Variants in RNF17 observed in about 807,000 individuals in gnomAD.
RNF17 encodes the protein spermatogenesis associated 23.
Under a neutral mutation model 200.5 loss-of-function variants are expected in RNF17, and 31 were observed. That is an observed-to-expected ratio of 0.15 (90% CI 0.12 to 0.21). RNF17 has a LOEUF of 0.21. Ranked by LOEUF, RNF17 falls within the 10% of genes least tolerant of loss-of-function variation. The pLI is 1.00. For synonymous variants in RNF17, 606 were observed against 637.8 expected (o/e 0.95, Z 0.75); for missense variants, 1,628 against 1,905.1 (o/e 0.85, Z 2.71).
At chr13:24,762,697 G>T (rs1348974140), upstream of RNF17, among the ~76,000 whole-genome samples, 1 of 152,174 alleles carries the variant, frequency 6.6e-6, no homozygotes, top group Admixed American at 6.5e-5. Flanking sequence ...AGAGAGAAAA[G>T]AAAATGAGGA....
At chr13:24,834,970 G>T (rs985883005) in intron 18 of RNF17, among the ~76,000 whole-genome samples, 2 of 152,144 alleles carry the variant, frequency 1.3e-5, no homozygotes, top group African/African-American at 4.8e-5. Flanking sequence ...ACACAGACTT[G>T]GGGCTGATGG....
the RNF17 span, among the ~76,000 whole-genome samples, chr13:24,758,982 A>C: frequency 6.8e-6 from 1 of 148,040 alleles, no homozygotes; most frequent in African/African-American, 2.5e-5. Context: ...CGGGAGGCTG[A>C]GCCAGGGGAA....
At chr13:24,843,481 G>A (rs992523862) in intron 19 of RNF17, among the ~76,000 whole-genome samples, 8 of 152,010 alleles carry the variant, frequency 5.3e-5, no homozygotes, top group African/African-American at 1.9e-4. Context: ...TCACATCACT[G>A]CACTTCAGCC....
chr13:24,875,361 A>T (rs1482235366), intron 33 of RNF17, among the ~76,000 whole-genome samples: 1 of 152,302 alleles, frequency 6.6e-6, no homozygotes, highest in African/African-American at 2.4e-5. Flanking sequence ...TTATGAAGGG[A>T]TAAGATGATG....
rs746287494 is a variant in RNF17, at chr13:24,764,241, C to A, written c.38C>A (p.Ser13Tyr). Residue 13 changes from serine to tyrosine, a missense_variant, in exon 1 of 36, where the codon TCT (serine) becomes TAT (tyrosine). Transcript: ENST00000255324. ...GCTTCGAAGACTGGGCCTTCTAGGT[C>A]TTCCTACCAGCGAATGGGGAGGAAG... is the stretch of plus-strand genomic sequence containing the variant. ...AEASKTGPSR[S>Y]SYQRMGRKSQ... 1 of 1,608,626 alleles carries A rather than the reference C, an allele frequency of 6.2e-7. No individual in the cohort carries two copies. Among genetic ancestry groups the A allele is most frequent in the South Asian group, 1.1e-5 (1 of 90,692 alleles).
chr13:24,778,189 G>T (rs1344431147), intron 3 of RNF17, 106 bp from the exon 4 acceptor site: 2 of 683,794 alleles, frequency 2.9e-6, no homozygotes, highest in African/African-American at 1.8e-5. Flanking sequence ...TGGAGCCTGG[G>T]AAGTCGAGGC....
the RNF17 span, among the ~76,000 whole-genome samples, chr13:24,750,344 G>A: frequency 6.6e-6 from 1 of 152,074 alleles, no homozygotes; most frequent in Admixed American, 6.5e-5. Context: ...GAATTTATCT[G>A]TTTTAACATA....
At chr13:24,799,274 C>CTA (rs1884965506) in intron 11 of RNF17, 121 bp from the exon 12 acceptor site, 2 of 731,852 alleles carry the variant, frequency 2.7e-6, no homozygotes, top group African/African-American at 3.5e-5. Flanking sequence ...GAACACAGTG[C>CTA]TATATCATCA....
chr13:24,829,589 T>G (rs924641126), intron 16 of RNF17, among the ~76,000 whole-genome samples: 12 of 152,188 alleles, frequency 7.9e-5, no homozygotes, highest in Non-Finnish European at 1.5e-4. Flanking sequence ...ATGTTTGAAG[T>G]GTCATCTTGA....
At chr13:24,864,830 G>T (rs760107693) in intron 28 of RNF17, 43 bp from the exon 29 acceptor site, 2 of 1,377,708 alleles carry the variant, frequency 1.5e-6, no homozygotes, top group African/African-American at 2.9e-5. Flanking sequence ...ATGTCATCAA[G>T]TGGAGTTTAT....
At chr13:24,884,597 G>A (rs900442547), downstream of RNF17, 12 of 840,396 alleles carry the variant, frequency 1.4e-5, no homozygotes, top group African/African-American at 1.7e-5. Flanking sequence ...CCTTTATTTC[G>A]TGAGGAGTAG....
At chr13:24,795,038 A>G (rs912029477) in intron 10 of RNF17, among the ~76,000 whole-genome samples, 3 of 152,122 alleles carry the variant, frequency 2.0e-5, no homozygotes, top group African/African-American at 7.2e-5. Context: ...TCCAAAATTT[A>G]TACTTCTCTC....
At chr13:24,756,503 C>T in the RNF17 span, among the ~76,000 whole-genome samples, 2 of 149,538 alleles carry the variant, frequency 1.3e-5, no homozygotes, top group Non-Finnish European at 3.0e-5. Flanking sequence ...AGCTTGAATT[C>T]TGTTGGGTTT....
chr13:24,788,910 T>G (rs1883480080), intron 7 of RNF17, among the ~76,000 whole-genome samples: 2 of 152,162 alleles, frequency 1.3e-5, no homozygotes, highest in Non-Finnish European at 2.9e-5. Context: ...AAAGGACAAT[T>G]TGCCATGACC....
At chr13:24,825,143 AC>A (rs1237866164) in intron 15 of RNF17, among the ~76,000 whole-genome samples, 1 of 152,176 alleles carries the variant, frequency 6.6e-6, no homozygotes, top group Non-Finnish European at 1.5e-5. Flanking sequence ...AGAGGACTGT[AC>A]TAGATTATAA....
intron 11 of RNF17, among the ~76,000 whole-genome samples, chr13:24,797,705 A>AGTGTGTGTGTGTGTGTGTGTGTGTGT (rs777888152): frequency 7.5e-4 from 89 of 119,074 alleles, no homozygotes; most frequent in Non-Finnish European, 1.1e-3. Context: ...AGAGACAAAG[A>AGTGTGTGTGTGTGTGTGTGTGTGTGT]GTGTGTGTGT....
At chr13:24,824,293 C>T (rs529231195) in intron 15 of RNF17, 25 of 669,550 alleles carry the variant, frequency 3.7e-5, no homozygotes, top group South Asian at 1.2e-4. Context: ...ATTTTGTTGG[C>T]GTCATTCCTC....
intron 26 of RNF17, among the ~76,000 whole-genome samples, chr13:24,860,447 A>C (rs569323795): frequency 6.6e-6 from 1 of 152,122 alleles, no homozygotes; most frequent in Non-Finnish European, 1.5e-5. Context: ...ATATCTTTCA[A>C]AGTTTATCCT....
At chr13:24,836,554 A>G (rs1890018004) in intron 18 of RNF17, among the ~76,000 whole-genome samples, 1 of 152,190 alleles carries the variant, frequency 6.6e-6, no homozygotes, top group African/African-American at 2.4e-5. Context: ...GCCTATCTTC[A>G]GCCTCCTCAA....
Sources: gnomAD v4.1 joint callset for allele counts (sites outside exome capture counted in the v4.1 genomes callset) on GRCh38, gnomAD v4.1.1 for gene constraint, MANE v1.5 for transcripts, NCBI Gene and HGNC (gene_info 2026-07-23, HGNC 2026-07-21) for gene names.